The following ARHGAP15 variants were observed in gnomAD, a reference collection of about 807,000 sequenced individuals.
ARHGAP15 encodes the protein Rho GTPase activating protein 15, also known as rho GTPase-activating protein 15.
Under a neutral mutation model 63.7 loss-of-function variants are expected in ARHGAP15, and 51 were observed. The ratio of observed to expected loss-of-function variants is 0.80; its 90% CI spans 0.64 to 1.01. ARHGAP15 has a LOEUF of 1.01. Among genes scored for constraint, ARHGAP15 ranks in the 50% least tolerant of loss-of-function variants. The probability of loss-of-function intolerance (pLI) is 0.00; values close to 1 mark genes in which losing one functional copy is unlikely to be tolerated. For missense variants in ARHGAP15, 560 were observed against 564.6 expected (o/e 0.99, Z 0.08); for synonymous variants, 191 against 193.8 (o/e 0.99, Z 0.12).
intron 10 of ARHGAP15, among the ~76,000 whole-genome samples, chr2:143,554,308 G>T (rs184633234): frequency 2.6e-5 from 4 of 152,204 alleles, no homozygotes; most frequent in African/African-American, 9.6e-5. Context: ...AACTTTGTTT[G>T]TTTGTGGTGG....
At chr2:143,176,849 T>C (rs1691027978) in intron 2 of ARHGAP15, among the ~76,000 whole-genome samples, 1 of 152,172 alleles carries the variant, frequency 6.6e-6, no homozygotes, top group Non-Finnish European at 1.5e-5. Flanking sequence ...AAGCTAATGC[T>C]ATTGTTTCCT....
chr2:143,469,619 C>T (rs1691418649), intron 8 of ARHGAP15, among the ~76,000 whole-genome samples: 1 of 152,132 alleles, frequency 6.6e-6, no homozygotes, highest in South Asian at 2.1e-4. Context: ...AAACACTGAG[C>T]ATTTGAAACG....
chr2:143,651,599 T>C (rs1202774410), intron 12 of ARHGAP15, among the ~76,000 whole-genome samples: 1 of 152,070 alleles, frequency 6.6e-6, no homozygotes, highest in Non-Finnish European at 1.5e-5. Context: ...AGGAGTGGAA[T>C]GACTGGGTCA....
chr2:143,498,394 T>C (rs143257519), intron 9 of ARHGAP15, among the ~76,000 whole-genome samples: 246 of 152,264 alleles, frequency 1.6e-3, no homozygotes, highest in African/African-American at 5.9e-3. Context: ...TGGATAGTCA[T>C]AATTGGTGGT....
chr2:143,623,270 T>G (rs1019632419), intron 11 of ARHGAP15, among the ~76,000 whole-genome samples: 2 of 152,188 alleles, frequency 1.3e-5, no homozygotes, highest in African/African-American at 2.4e-5. Flanking sequence ...ATATTGAGGG[T>G]GAAAAGGACA....
intron 6 of ARHGAP15, among the ~76,000 whole-genome samples, chr2:143,393,120 A>G (rs1428384210): frequency 6.6e-6 from 1 of 152,060 alleles, no homozygotes; most frequent in African/African-American, 2.4e-5. Context: ...TCAGTTTTGG[A>G]TTGCTGAAAT....
At chr2:143,621,675 G>C (rs995549007) in intron 11 of ARHGAP15, among the ~76,000 whole-genome samples, 13 of 152,160 alleles carry the variant, frequency 8.5e-5, no homozygotes, top group African/African-American at 3.1e-4. Flanking sequence ...AGGAATCTTG[G>C]TTTAAGGGAC....
intron 2 of ARHGAP15, among the ~76,000 whole-genome samples, chr2:143,180,818 C>T (rs60312834): frequency 0.016 from 2,388 of 152,066 alleles, 73 homozygotes; most frequent in African/African-American, 0.05. Flanking sequence ...GGACTACAGG[C>T]GCCCACCAAC....
At chr2:143,213,727 T>C (rs960151773) in intron 3 of ARHGAP15, among the ~76,000 whole-genome samples, 4 of 152,182 alleles carry the variant, frequency 2.6e-5, no homozygotes, top group Non-Finnish European at 4.4e-5. Context: ...CAGCCTGACT[T>C]TGGAAAATGA....
chr2:143,667,130 T>A (rs1298011053), intron 12 of ARHGAP15, among the ~76,000 whole-genome samples: 2,373 of 150,818 alleles, frequency 0.016, 42 homozygotes, highest in African/African-American at 0.056. Flanking sequence ...CGTATGTTTA[T>A]TGTGGCATTA....
At position 143,250,585 on chromosome 2, in the gene ARHGAP15, A is replaced by G. The variant is rs1558841838; in HGVS notation, c.459A>G (p.Arg153=). The change falls in exon 6 of 14, where the codon AGA becomes AGG. Residue 153 remains arginine, a synonymous_variant. Coordinates refer to ENST00000295095, the MANE Select transcript of ARHGAP15 (RefSeq NM_018460.4). ...AATGGGCCAAGGAAAAATCGAGCAG[A>G]AAGAATGTCTTTCAGGTAAGAATGT... ...HIEWAKEKSS[R]KNVFQITTVS... 1 of 1,612,972 alleles carries G rather than the reference A, an allele frequency of 6.2e-7. No individual in the cohort carries two copies. Among genetic ancestry groups the G allele is most frequent in the East Asian group, 2.2e-5 (1 of 44,822 alleles).
intron 8 of ARHGAP15, among the ~76,000 whole-genome samples, chr2:143,471,627 C>T (rs992540765): frequency 6.6e-6 from 1 of 151,848 alleles, no homozygotes; most frequent in South Asian, 2.1e-4. Context: ...GGGGACAGGC[C>T]TGAAGGAAGT....
intron 6 of ARHGAP15, among the ~76,000 whole-genome samples, chr2:143,274,331 C>T (rs181532178): frequency 1.3e-5 from 2 of 152,208 alleles, no homozygotes; most frequent in East Asian, 3.9e-4. Flanking sequence ...AAATCCAAAG[C>T]TCTTCATTAA....
At chr2:143,719,925 A>G (rs938345189) in intron 13 of ARHGAP15, among the ~76,000 whole-genome samples, 1 of 152,168 alleles carries the variant, frequency 6.6e-6, no homozygotes, top group Non-Finnish European at 1.5e-5. Flanking sequence ...CTGTTGTCAC[A>G]TTCTTTTTAT....
chr2:143,223,170 C>T (rs961983227), intron 4 of ARHGAP15, among the ~76,000 whole-genome samples: 5 of 151,962 alleles, frequency 3.3e-5, no homozygotes, highest in African/African-American at 9.7e-5. Flanking sequence ...TACTGGGTTT[C>T]GCCATGTTGA....
chr2:143,692,414 A>G (rs909471394), intron 12 of ARHGAP15, among the ~76,000 whole-genome samples: 2 of 152,100 alleles, frequency 1.3e-5, no homozygotes, highest in Admixed American at 1.3e-4. Flanking sequence ...GCACTCAACA[A>G]TTCACCCAGT....
At chr2:143,408,910 G>A (rs1688326514) in intron 6 of ARHGAP15, among the ~76,000 whole-genome samples, 1 of 151,768 alleles carries the variant, frequency 6.6e-6, no homozygotes. Flanking sequence ...GTTATTTTGA[G>A]ATTTTTTGTT....
chr2:143,754,953 C>G (rs1686517500), intron 13 of ARHGAP15, among the ~76,000 whole-genome samples: 1 of 152,162 alleles, frequency 6.6e-6, no homozygotes, highest in African/African-American at 2.4e-5. Context: ...TCTGCATCAC[C>G]CCTGAACTGA....
In ARHGAP15 at chr2:143,390,280, C is replaced by G. The variant is rs573514899; in HGVS notation, c.475-45321C>G. Among the ~76,000 whole-genome samples, 22 of 152,170 alleles carry G rather than the reference C, an allele frequency of 1.4e-4. 1 individual carries two copies. In the South Asian group the frequency reaches 4.6e-3, roughly 32 times the overall value. ...CCTCAGATTAATGCGAAGACCCTGG[C>G]GATTCCTTTTAGACGTTATTTTATG... On this transcript the variant is annotated intron_variant, in intron 6 of 13. Transcript: ENST00000295095.
Sources: allele counts gnomAD v4.1 joint callset (sites outside exome capture counted in the v4.1 genomes callset), GRCh38; gene constraint gnomAD v4.1.1; transcripts MANE v1.5; gene names NCBI Gene and HGNC (gene_info 2026-07-23, HGNC 2026-07-21).